Variants in DOCK3 observed in about 807,000 individuals in gnomAD.
DOCK3 encodes the protein dedicator of cytokinesis 3.
In DOCK3, 60 loss-of-function variants were observed where a neutral mutation model predicts 265.6. The ratio of observed to expected loss-of-function variants is 0.23; its 90% CI spans 0.18 to 0.28. The LOEUF (loss-of-function observed/expected upper bound fraction) is 0.28. DOCK3 is among the 10% of genes least tolerant of loss of function. DOCK3 has a pLI of 1.00. For synonymous variants in DOCK3, 881 were observed against 938.0 expected (o/e 0.94, Z 1.11); for missense variants, 1,981 against 2,594.3 (o/e 0.76, Z 5.14).
At chr3:50,722,783 T>TTC (rs1236648475) in intron 1 of DOCK3, among the ~76,000 whole-genome samples, 1 of 150,478 alleles carries the variant, frequency 6.6e-6, no homozygotes, top group Non-Finnish European at 1.5e-5. Flanking sequence ...TTTTTTTTTT[T>TTC]TCTCTTGAGA....
At chr3:50,786,170 A>G (rs546417586) in intron 2 of DOCK3, among the ~76,000 whole-genome samples, 3 of 152,002 alleles carry the variant, frequency 2.0e-5, no homozygotes, top group Non-Finnish European at 4.4e-5. Flanking sequence ...TTTTGTTTCT[A>G]ATTGAGCTTA....
chr3:51,032,588 A>C (rs2108965092), intron 5 of DOCK3, among the ~76,000 whole-genome samples: 1 of 152,192 alleles, frequency 6.6e-6, no homozygotes, highest in African/African-American at 2.4e-5. Flanking sequence ...CTCATGGATA[A>C]ATTTTTTCTT....
chr3:51,286,741 G>A (rs1355131305), intron 27 of DOCK3, among the ~76,000 whole-genome samples: 3 of 152,190 alleles, frequency 2.0e-5, no homozygotes, highest in Non-Finnish European at 4.4e-5. Flanking sequence ...TTCAATAAAT[G>A]GTGCTGGGAT....
chr3:51,178,001 AAAC>A (rs2087054086), intron 12 of DOCK3, among the ~76,000 whole-genome samples: 2 of 44,236 alleles, frequency 4.5e-5, no homozygotes, highest in African/African-American at 1.3e-4. Flanking sequence ...AAAAAACAAA[AAAC>A]AAACAAAAAA....
chr3:51,133,594 T>A (rs952819093), intron 9 of DOCK3, among the ~76,000 whole-genome samples: 3 of 152,136 alleles, frequency 2.0e-5, no homozygotes, highest in African/African-American at 7.2e-5. Context: ...TCCAAGTCTT[T>A]GCTATTGTGA....
chr3:51,230,019 C>T (rs925335906), intron 19 of DOCK3, among the ~76,000 whole-genome samples: 2 of 152,180 alleles, frequency 1.3e-5, no homozygotes, highest in Non-Finnish European at 2.9e-5. Context: ...AGCTTAATGT[C>T]CTCCAGTTGT....
intron 7 of DOCK3, among the ~76,000 whole-genome samples, chr3:51,079,578 C>A (rs2082159840): frequency 6.6e-6 from 1 of 151,956 alleles, no homozygotes; most frequent in African/African-American, 2.4e-5. Flanking sequence ...GTCTTCAACT[C>A]CTGGGCTCAA....
intron 12 of DOCK3, among the ~76,000 whole-genome samples, chr3:51,166,051 C>A (rs1357536344): frequency 1.5e-5 from 2 of 133,180 alleles, no homozygotes; most frequent in Non-Finnish European, 3.3e-5. Context: ...TATATATATT[C>A]TTTTTTTTTT....
At chr3:51,311,919 C>T in intron 28 of DOCK3, 85 bp from the exon 29 acceptor site, 2 of 961,990 alleles carry the variant, frequency 2.1e-6, no homozygotes, top group Non-Finnish European at 3.0e-6. Flanking sequence ...GAAGTTTGCA[C>T]ACAGGCTATA....
intron 3 of DOCK3, among the ~76,000 whole-genome samples, chr3:50,865,245 A>G (rs1002210949): frequency 6.6e-6 from 1 of 152,214 alleles, no homozygotes; most frequent in South Asian, 2.1e-4. Context: ...GGTCTGATAC[A>G]TTCTCCCTAT....
chr3:51,063,025 G>A (rs938375729), intron 5 of DOCK3, among the ~76,000 whole-genome samples: 7 of 152,170 alleles, frequency 4.6e-5, no homozygotes, highest in African/African-American at 1.7e-4. Context: ...GAAAGGAGAA[G>A]TTAGAGTATA....
At chr3:50,707,224 G>A (rs1226866848) in intron 1 of DOCK3, among the ~76,000 whole-genome samples, 1 of 151,594 alleles carries the variant, frequency 6.6e-6, no homozygotes, top group Non-Finnish European at 1.5e-5. Context: ...GGCCAGGCAT[G>A]GTGGCTCATG....
chr3:51,310,104 A>G (rs1484814128), intron 27 of DOCK3, 128 bp from the exon 28 acceptor site: 4 of 732,226 alleles, frequency 5.5e-6, no homozygotes, highest in Non-Finnish European at 9.6e-6. Context: ...GAAACAACTC[A>G]CAGAGAGAAC....
At chr3:50,877,070 A>C (rs1487155831) in intron 3 of DOCK3, 1 of 225,378 alleles carries the variant, frequency 4.4e-6, no homozygotes, top group Admixed American at 5.6e-5. Flanking sequence ...TCCTGCTCTA[A>C]ATCACTAAGA....
chr3:50,812,488 A>G (rs2043818672), intron 2 of DOCK3, among the ~76,000 whole-genome samples: 1 of 152,228 alleles, frequency 6.6e-6, no homozygotes, highest in African/African-American at 2.4e-5. Flanking sequence ...ATAAAAATAA[A>G]AGATATTATG....
chr3:50,771,845 C>T (rs541884196), intron 1 of DOCK3, among the ~76,000 whole-genome samples: 1 of 152,100 alleles, frequency 6.6e-6, no homozygotes, highest in Non-Finnish European at 1.5e-5. Context: ...AGCGAGACTC[C>T]ATCTCAAAAA....
At chr3:51,257,984 G>A (rs1444435437) in intron 22 of DOCK3, among the ~76,000 whole-genome samples, 3 of 152,204 alleles carry the variant, frequency 2.0e-5, no homozygotes, top group Non-Finnish European at 4.4e-5. Context: ...CTGGAAGTGG[G>A]TTTATGTTCC....
intron 2 of DOCK3, among the ~76,000 whole-genome samples, chr3:50,831,240 T>A (rs1194638907): frequency 4.6e-5 from 7 of 151,584 alleles, no homozygotes; most frequent in Non-Finnish European, 7.4e-5. Context: ...TAATTTTTTT[T>A]ATTTTTTAAA....
chr3:50,832,817 G>A (rs959227460), intron 2 of DOCK3, among the ~76,000 whole-genome samples: 1 of 152,046 alleles, frequency 6.6e-6, no homozygotes. Flanking sequence ...TAACTATCAG[G>A]GTCTCTTGTA....
Sources: allele counts gnomAD v4.1 joint callset (sites outside exome capture counted in the v4.1 genomes callset), GRCh38; gene constraint gnomAD v4.1.1; transcripts MANE v1.5; gene names NCBI Gene and HGNC (gene_info 2026-07-23, HGNC 2026-07-21).